The following TMEM39B variants were observed in gnomAD, a reference collection of about 807,000 sequenced individuals.
The protein encoded by TMEM39B is transmembrane protein 39B.
TMEM39B carries 23 observed loss-of-function variants against 52.2 expected under a neutral mutation model. The ratio of observed to expected loss-of-function variants is 0.44; its 90% CI spans 0.32 to 0.62. TMEM39B has a LOEUF of 0.62. Among genes scored for constraint, TMEM39B ranks in the 20% least tolerant of loss-of-function variants. The probability of loss-of-function intolerance (pLI) is 0.06; values close to 1 mark genes in which losing one functional copy is unlikely to be tolerated. For synonymous variants in TMEM39B, 285 were observed against 264.0 expected, an observed-to-expected ratio of 1.08 and a Z score of -0.77; for missense variants, 547 against 642.0, an observed-to-expected ratio of 0.85 and a Z score of 1.60.
At chr1:32,099,299 A>G (rs1327933391) in intron 7 of TMEM39B, among the ~76,000 whole-genome samples, 1 of 151,304 alleles carries the variant, frequency 6.6e-6, no homozygotes, top group Non-Finnish European at 1.5e-5. Flanking sequence ...GGTGGGGAAC[A>G]TCATACACCA....
At chr1:32,099,232 C>CA (rs35757706) in intron 7 of TMEM39B, among the ~76,000 whole-genome samples, 10,262 of 86,064 alleles carry the variant, frequency 0.12, 632 homozygotes, top group East Asian at 0.44. Flanking sequence ...GACTCTGTCT[C>CA]AAAAAAAAAA....
Position 32,077,280 on chromosome 1 carries a change from G to A in TMEM39B, c.552G>A (p.Arg184=), listed in dbSNP as rs1639907096. 6.2e-7 allele frequency: 1 copy of A among 1,614,028 alleles called. No homozygotes were observed. Among genetic ancestry groups the A allele is most frequent in the Non-Finnish European group, 8.5e-7 (1 of 1,180,008 alleles). ...GCCGATCCCTCATCCACCTCTTCAGGACCTACTCCTTCCTGAACCTCCTGT... is the reference window on the plus strand; with the variant it reads ...GCCGATCCCTCATCCACCTCTTCAGAACCTACTCCTTCCTGAACCTCCTGT... ...SLCRSLIHLF[R]TYSFLNLLFL... Residue 184 remains arginine (R), a synonymous_variant, in exon 5 of 9, where the codon AGG becomes AGA. Coordinates refer to ENST00000336294, the MANE Select transcript of TMEM39B (RefSeq NM_018056.4).
chr1:32,072,934 C>G, upstream of TMEM39B: 1 of 1,366,800 alleles, frequency 7.3e-7, no homozygotes, highest in South Asian at 1.3e-5. Context: ...CGGGAGCGCG[C>G]GGCTGATACC....
At chr1:32,073,073 C>T (rs1229568712) in intron 1 of TMEM39B, 22 bp downstream of exon 1, 2 of 1,469,206 alleles carry the variant, frequency 1.4e-6, no homozygotes, top group Non-Finnish European at 1.8e-6. Flanking sequence ...GGCTCAGGCT[C>T]GGCCTGGCAA....
At chr1:32,095,224 G>A (rs1008142731) in intron 7 of TMEM39B, among the ~76,000 whole-genome samples, 1 of 152,146 alleles carries the variant, frequency 6.6e-6, no homozygotes, top group Non-Finnish European at 1.5e-5. Flanking sequence ...CTTTCTCTTT[G>A]CTGACTGTTT....
upstream of TMEM39B, chr1:32,072,817 G>A (rs540784574): frequency 9.7e-4 from 529 of 547,496 alleles, no homozygotes; most frequent in African/African-American, 9.7e-3. Context: ...AAGGGCGTGG[G>A]GGACCGAGAG....
At chr1:32,101,442 T>TA (rs548642650) in intron 8 of TMEM39B, among the ~76,000 whole-genome samples, 1,727 of 151,072 alleles carry the variant, frequency 0.011, 18 homozygotes, top group Non-Finnish European at 0.018. Flanking sequence ...CCCCCTTTTT[T>TA]AAAAAAAACA....
intron 2 of TMEM39B, among the ~76,000 whole-genome samples, chr1:32,075,305 C>G (rs1372612781): frequency 3.3e-5 from 5 of 152,202 alleles, no homozygotes; most frequent in Admixed American, 2.0e-4. Flanking sequence ...AATTACAGTT[C>G]TGCTCCAGAT....
chr1:32,094,716 T>A, intron 6 of TMEM39B, 68 bp from the exon 7 acceptor site: 3 of 1,558,330 alleles, frequency 1.9e-6, no homozygotes, highest in Non-Finnish European at 2.6e-6. Flanking sequence ...TCAGGTAGAA[T>A]CAGGGAAGGA....
chr1:32,073,180 C>A, intron 1 of TMEM39B, 129 bp downstream of exon 1: 1 of 1,138,790 alleles, frequency 8.8e-7, no homozygotes, highest in Non-Finnish European at 1.1e-6. Flanking sequence ...CGAGCGCAGA[C>A]GGGATCCCGC....
chr1:32,083,551 T>A (rs1248913976), intron 5 of TMEM39B, among the ~76,000 whole-genome samples: 1 of 149,938 alleles, frequency 6.7e-6, no homozygotes. Flanking sequence ...GCCTCCCGAG[T>A]AGCTGGGACT....
intron 5 of TMEM39B, among the ~76,000 whole-genome samples, chr1:32,087,319 CAA>C (rs1207083221): frequency 6.9e-5 from 2 of 29,012 alleles, no homozygotes; most frequent in Non-Finnish European, 6.6e-5. Flanking sequence ...CTCCGTCTCA[CAA>C]AAAAAAAAAA....
chr1:32,085,667 C>A (rs953568851), intron 5 of TMEM39B, among the ~76,000 whole-genome samples: 3 of 151,558 alleles, frequency 2.0e-5, no homozygotes, highest in African/African-American at 7.3e-5. Context: ...AGGAGAATTG[C>A]TTGAACCCGG....
In TMEM39B at chr1:32,072,967, G is replaced by C. The variant is rs1639696789; in HGVS notation, c.-81G>C. The C allele has an allele frequency of 1.1e-5, 16 of 1,520,108 alleles. No individual in the cohort carries two copies. The South Asian group carries it at 1.8e-4, about 17-fold the overall frequency. 94.2% of individuals were successfully genotyped at this position (1,520,108 alleles called of 1,614,324 possible). A position where few individuals can be genotyped will look rare whatever the true frequency, so the allele number is the denominator to read the frequency against. On this transcript the variant is annotated 5_prime_UTR_variant, in exon 1 of 9. Coordinates refer to ENST00000336294, the MANE Select transcript of TMEM39B (RefSeq NM_018056.4). ...ACCCGGGACTGGGCTGCGGCGGTTA[G>C]TCCTCTCCCGGCCGCCGTCGCCTCC...
intron 5 of TMEM39B, among the ~76,000 whole-genome samples, chr1:32,078,157 C>A (rs545023640): frequency 6.6e-6 from 1 of 152,290 alleles, no homozygotes; most frequent in African/African-American, 2.4e-5. Context: ...AGCCCTGTCA[C>A]ACTTCCTTCA....
intron 5 of TMEM39B, among the ~76,000 whole-genome samples, chr1:32,084,232 C>G (rs1640240886): frequency 6.6e-6 from 1 of 152,118 alleles, no homozygotes; most frequent in African/African-American, 2.4e-5. Flanking sequence ...GTCATACTGC[C>G]TGTTGCCTGG....
At position 32,100,704 on chromosome 1, in the gene TMEM39B, A is replaced by G. The variant is rs780058790; in HGVS notation, c.1236+142A>G. 14 of 1,140,850 alleles carry G rather than the reference A, an allele frequency of 1.2e-5. No homozygotes were observed. In the African/African-American group the frequency reaches 1.8e-4, roughly 15 times the overall value. The allele number at this position is 1,140,850 out of a possible 1,614,324, so 70.7% of individuals were successfully genotyped here. On this transcript the variant is annotated intron_variant, in intron 8 of 8. Coordinates refer to ENST00000336294, the MANE Select transcript of TMEM39B (RefSeq NM_018056.4). ...GGAAGACAGTGCACACATGTAGCAC[A>G]AGGACAGCCATATAAATTGTCACTT...
intron 4 of TMEM39B, 55 bp downstream of exon 4, chr1:32,076,901 G>T: frequency 1.9e-6 from 3 of 1,583,214 alleles, no homozygotes; most frequent in Non-Finnish European, 2.6e-6. Context: ...TTTCCCCTGG[G>T]GATGCCAAGG....
chr1:32,077,902 T>C (rs1159168487), intron 5 of TMEM39B, among the ~76,000 whole-genome samples: 1 of 152,188 alleles, frequency 6.6e-6, no homozygotes, highest in African/African-American at 2.4e-5. Context: ...GGAGAGACTG[T>C]TTCGGGGATG....
Sources: gnomAD v4.1 joint callset for allele counts (sites outside exome capture counted in the v4.1 genomes callset) on GRCh38, gnomAD v4.1.1 for gene constraint, MANE v1.5 for transcripts, NCBI Gene and HGNC (gene_info 2026-07-23, HGNC 2026-07-21) for gene names.